ZNF346: variants seen among roughly 807,000 people sequenced by gnomAD.
The protein encoded by ZNF346 is double-stranded RNA-binding zinc finger protein JAZ.
Under a neutral mutation model 33.7 loss-of-function variants are expected in ZNF346, and 23 were observed. The observed-to-expected ratio is 0.68, with a 90% CI of 0.49 to 0.97. The LOEUF is 0.97. Ranked by LOEUF, ZNF346 falls within the 50% of genes least tolerant of loss-of-function variation. The pLI, the probability that ZNF346 is intolerant of heterozygous loss-of-function variation, is 0.00. For synonymous variants in ZNF346, 134 were observed against 142.4 expected (o/e 0.94, Z 0.42); for missense variants, 340 against 371.1 (o/e 0.92, Z 0.69).
downstream of ZNF346, among the ~76,000 whole-genome samples, chr5:177,071,587 A>AAT (rs2149717989): frequency 6.6e-6 from 1 of 150,778 alleles, no homozygotes; most frequent in Admixed American, 6.6e-5. Context: ...CGGGAGGCTG[A>AAT]GGCAGGAGAA....
intron 5 of ZNF346, among the ~76,000 whole-genome samples, chr5:177,051,295 C>T (rs527363447): frequency 6.6e-6 from 1 of 150,542 alleles, no homozygotes; most frequent in Non-Finnish European, 1.5e-5. Context: ...CTGCCTCAGC[C>T]TCCTGAGTAG....
intron 8 of ZNF346, among the ~76,000 whole-genome samples, chr5:177,078,929 A>T (rs554414321): frequency 1.5e-4 from 22 of 151,724 alleles, no homozygotes; most frequent in East Asian, 5.9e-4. Flanking sequence ...AAATGATTTT[A>T]AAAAAATAAA....
At chr5:177,025,414 A>G (rs538852417) in intron 1 of ZNF346, among the ~76,000 whole-genome samples, 12 of 150,116 alleles carry the variant, frequency 8.0e-5, no homozygotes, top group African/African-American at 2.9e-4. Context: ...TTTCTTGAGT[A>G]TATCCCTAAG....
intron 2 of ZNF346, 146 bp from the exon 3 acceptor site, chr5:177,041,632 A>C (rs1357100326): frequency 1.6e-6 from 1 of 613,806 alleles, no homozygotes; most frequent in East Asian, 2.8e-5. Flanking sequence ...AATGCCTTGC[A>C]CAGAGCAGGA....
rs150214854 is a variant in ZNF346, at chr5:177,050,342, T to A, written c.518-409T>A. Reference sequence around the variant, plus strand: ...AAAACTCCCAAACTTCGTGTCCCACTTGCTGTGAAGTTCTGGGAAGTACTG... The same window carrying A: ...AAAACTCCCAAACTTCGTGTCCCACATGCTGTGAAGTTCTGGGAAGTACTG... On this transcript the variant is annotated intron_variant, in intron 4 of 6. Transcript: ENST00000358149. 1.9e-3 allele frequency among the ~76,000 whole-genome samples: 282 copies of A among 152,338 alleles called. 2 individuals carry two copies. The highest frequency in any genetic ancestry group is 6.4e-3 in the African/African-American group (267 of 41,590).
chr5:177,067,401 T>TGA lies in ZNF346; in HGVS notation c.*2803_*2804dup, dbSNP rs1322858670. Among the ~76,000 whole-genome samples the TGA allele has an allele frequency of 1.3e-5, 2 of 151,890 alleles. No homozygotes were observed. The highest frequency in any genetic ancestry group is 2.9e-5 in the Non-Finnish European group (2 of 67,942). The stretch of plus-strand genomic sequence containing the variant: ...CTCAGCCCCTGCTCCTGGTCAGCTG[T>TGA]GAAAGGCTCTACACAGCCCCAAGGG... On this transcript the variant is annotated 3_prime_UTR_variant, in exon 7 of 7. Coordinates refer to ENST00000358149, the MANE Select transcript of ZNF346 (RefSeq NM_012279.4).
chr5:177,038,434 C>A (rs1206009656), intron 1 of ZNF346, among the ~76,000 whole-genome samples: 3 of 151,132 alleles, frequency 2.0e-5, no homozygotes, highest in African/African-American at 7.3e-5. Context: ...TTTACTAACT[C>A]TCCTGCCCCG....
chr5:177,023,050 C>G (rs1271090227), intron 1 of ZNF346, 137 bp downstream of exon 1: 1 of 1,445,880 alleles, frequency 6.9e-7, no homozygotes, highest in South Asian at 1.3e-5. Flanking sequence ...CTTGTGCTCC[C>G]CATCCGGGCG....
Position 177,054,585 on chromosome 5 carries a change from G to A in ZNF346, c.703+3649G>A, listed in dbSNP as rs577962035. 1.1e-4 allele frequency among the ~76,000 whole-genome samples: 16 copies of A among 151,642 alleles called. No homozygotes were observed. In the South Asian group the frequency reaches 3.1e-3, roughly 30 times the overall value. ...GGCTAATTTTTTTTTATTTTTAGTAGAGACAGGGTTTCACCATGTTGGCCA... is the reference window on the plus strand; with the variant it reads ...GGCTAATTTTTTTTTATTTTTAGTAAAGACAGGGTTTCACCATGTTGGCCA... On this transcript the variant is annotated intron_variant, in intron 5 of 6. Transcript: ENST00000358149.
downstream of ZNF346, among the ~76,000 whole-genome samples, chr5:177,072,008 A>G (rs1481964977): frequency 2.0e-5 from 3 of 152,186 alleles, no homozygotes; most frequent in Non-Finnish European, 4.4e-5. Flanking sequence ...CAATGACCCC[A>G]TTAGCCACTA....
intron 1 of ZNF346, among the ~76,000 whole-genome samples, chr5:177,023,825 A>G (rs977344338): frequency 6.6e-6 from 1 of 152,206 alleles, no homozygotes; most frequent in Admixed American, 6.5e-5. Context: ...CTTGCTGAGC[A>G]GACTTGTCTT....
chr5:177,069,887 C>T (rs1382514289), downstream of ZNF346, among the ~76,000 whole-genome samples: 1 of 152,194 alleles, frequency 6.6e-6, no homozygotes, highest in Admixed American at 6.5e-5. Context: ...GTCTCAAACT[C>T]CTGGGCTCAA....
intron 1 of ZNF346, among the ~76,000 whole-genome samples, chr5:177,031,067 G>A (rs1049905229): frequency 2.6e-5 from 4 of 151,570 alleles, no homozygotes; most frequent in African/African-American, 4.8e-5. Flanking sequence ...ACAGAGTCTC[G>A]CTCTGTCGCC....
chr5:177,039,844 ACTCTGCCTCTGC>A lies in ZNF346; in HGVS notation c.176-1272_176-1261del, dbSNP rs538703662. The stretch of plus-strand genomic sequence containing the variant: ...GCCTGCCCTCCTCTCCCAGTTTTAG[ACTCTGCCTCTGC>A]CTCTGCCTCACATTGCCAGCGCCAT... On this transcript the variant is annotated intron_variant, in intron 1 of 6. Transcript: ENST00000358149. Among the ~76,000 whole-genome samples, 24 of 151,946 alleles carry A rather than the reference ACTCTGCCTCTGC, an allele frequency of 1.6e-4. 1 individual carries two copies. In the South Asian group the frequency reaches 5.0e-3, roughly 32 times the overall value.
intron 1 of ZNF346, among the ~76,000 whole-genome samples, chr5:177,027,074 A>G (rs55954117): frequency 0.43 from 64,520 of 151,444 alleles, 13,949 homozygotes; most frequent in East Asian, 0.48. Flanking sequence ...TTTTTTTCAG[A>G]CAGAGACTCA....
chr5:177,031,906 T>C (rs1581800808), intron 1 of ZNF346, among the ~76,000 whole-genome samples: 1 of 152,110 alleles, frequency 6.6e-6, no homozygotes, highest in East Asian at 1.9e-4. Context: ...TATTGTATTA[T>C]AATTTCAACT....
At chr5:177,043,144 G>A (rs1008548889) in intron 3 of ZNF346, among the ~76,000 whole-genome samples, 4 of 152,044 alleles carry the variant, frequency 2.6e-5, no homozygotes, top group African/African-American at 4.8e-5. Context: ...GAGCCACTGC[G>A]CCCAGCCGCC....
rs189691443 is a variant in ZNF346 at position 177,042,849 on chromosome 5, A to G, written c.372+979A>G. Among the ~76,000 whole-genome samples the G allele has an allele frequency of 2.4e-4, 37 of 151,684 alleles. 1 individual carries two copies. In the East Asian group the frequency reaches 6.4e-3, roughly 26 times the overall value. The stretch of plus-strand genomic sequence containing the variant: ...AAGCTCAAGTGATCCTCCCACTTCA[A>G]CCTCCCAAGTAGCTAGGACTACAGG... On this transcript the variant is annotated intron_variant, in intron 3 of 6. Transcript: ENST00000358149.
exon 9 of ZNF346, chr5:177,079,987 C>T: frequency 6.6e-6 from 1 of 152,414 alleles, no homozygotes; most frequent in Admixed American, 6.5e-5. Context: ...GCCCCAGGAC[C>T]AGCCCAGGGT....
Sources: gnomAD v4.1 joint callset for allele counts (sites outside exome capture counted in the v4.1 genomes callset) on GRCh38, gnomAD v4.1.1 for gene constraint, MANE v1.5 for transcripts, NCBI Gene and HGNC (gene_info 2026-07-23, HGNC 2026-07-21) for gene names.